Variants in SHANK2 observed in about 807,000 individuals in gnomAD.
SHANK2 encodes the protein SH3 and multiple ankyrin repeat domains 2, also known as SH3 and multiple ankyrin repeat domains protein 2.
A neutral mutation model predicts 133.7 loss-of-function variants in SHANK2; 43 were observed. The observed-to-expected ratio is 0.32, with a 90% CI of 0.25 to 0.41. The LOEUF (loss-of-function observed/expected upper bound fraction) is 0.41. Ranked by LOEUF, SHANK2 falls within the 10% of genes least tolerant of loss-of-function variation. The probability of loss-of-function intolerance (pLI) is 1.00; values close to 1 mark genes in which losing one functional copy is unlikely to be tolerated. For synonymous variants in SHANK2, 1,017 were observed against 952.8 expected (o/e 1.07, Z -1.24); for missense variants, 1,994 against 2,235.8 (o/e 0.89, Z 2.18).
intron 17 of SHANK2, among the ~76,000 whole-genome samples, chr11:70,615,317 G>A (rs755677578): frequency 5.3e-5 from 8 of 152,222 alleles, no homozygotes; most frequent in African/African-American, 1.9e-4. Context: ...GGCCTTGGAC[G>A]AGCCCAGTTC....
At chr11:70,746,579 C>T (rs1555036157) in intron 14 of SHANK2, among the ~76,000 whole-genome samples, 2 of 151,934 alleles carry the variant, frequency 1.3e-5, no homozygotes, top group Non-Finnish European at 2.9e-5. Context: ...GGCTGGGCCT[C>T]CCTCCAGGGT....
intron 11 of SHANK2, among the ~76,000 whole-genome samples, chr11:70,837,431 G>A (rs1466385446): frequency 1.3e-5 from 2 of 152,198 alleles, no homozygotes; most frequent in Non-Finnish European, 2.9e-5. Flanking sequence ...CAGGCCTTGT[G>A]CATTCACGCT....
chr11:70,531,020 A>T (rs2059460634), intron 17 of SHANK2, among the ~76,000 whole-genome samples: 1 of 151,908 alleles, frequency 6.6e-6, no homozygotes, highest in Non-Finnish European at 1.5e-5. Context: ...ACAAAAATAA[A>T]TAAATAAATA....
intron 15 of SHANK2, among the ~76,000 whole-genome samples, chr11:70,670,563 C>T (rs1304627407): frequency 6.6e-6 from 1 of 152,214 alleles, no homozygotes; most frequent in East Asian, 1.9e-4. Flanking sequence ...AGGGTTTCCC[C>T]GTCATCTGTC....
intron 12 of SHANK2, among the ~76,000 whole-genome samples, chr11:70,813,668 C>T (rs975185611): frequency 3.1e-4 from 47 of 152,152 alleles, no homozygotes; most frequent in African/African-American, 7.5e-4. Flanking sequence ...GCACAGCAAA[C>T]GCAGGAGTTC....
intron 14 of SHANK2, among the ~76,000 whole-genome samples, chr11:70,752,896 G>C (rs547309730): frequency 6.6e-6 from 1 of 151,904 alleles, no homozygotes; most frequent in Non-Finnish European, 1.5e-5. Context: ...GGCAGATCAC[G>C]TGAGGTCAGG....
At chr11:71,106,844 G>T (rs1337987422) in intron 6 of SHANK2, among the ~76,000 whole-genome samples, 1 of 151,940 alleles carries the variant, frequency 6.6e-6, no homozygotes, top group African/African-American at 2.4e-5. Context: ...GAGGGGAGAG[G>T]CCAGGCGTGG....
intron 11 of SHANK2, chr11:70,863,853 G>A (rs1949304026): frequency 2.2e-6 from 1 of 457,744 alleles, no homozygotes; most frequent in Non-Finnish European, 4.4e-6. Context: ...GATGACGACA[G>A]CCACCTGCAA....
intron 8 of SHANK2, among the ~76,000 whole-genome samples, chr11:71,084,022 T>C (rs994435974): frequency 0.013 from 1,871 of 149,330 alleles, 18 homozygotes; most frequent in African/African-American, 0.016. Context: ...CAGGCTGGAG[T>C]GCAGTGGCGC....
At chr11:70,806,891 C>G (rs557286882) in intron 13 of SHANK2, 111 bp downstream of exon 13, 2 of 612,332 alleles carry the variant, frequency 3.3e-6, no homozygotes, top group East Asian at 5.7e-5. Flanking sequence ...TCCAGGGGCC[C>G]GTGTTTTCCA....
intron 14 of SHANK2, among the ~76,000 whole-genome samples, chr11:70,723,294 G>GGTCT (rs1555029676): frequency 1.2e-5 from 1 of 84,556 alleles, no homozygotes; most frequent in African/African-American, 6.2e-5. Context: ...CTTGCTGGAG[G>GGTCT]GTCTGTCTCT....
intron 14 of SHANK2, among the ~76,000 whole-genome samples, chr11:70,717,781 G>C (rs1232228882): frequency 6.6e-6 from 1 of 151,782 alleles, no homozygotes; most frequent in Non-Finnish European, 1.5e-5. Flanking sequence ...TCCGTGGGGC[G>C]GCCTCATCTA....
At chr11:70,721,750 C>G (rs782741235) in intron 14 of SHANK2, among the ~76,000 whole-genome samples, 2 of 152,236 alleles carry the variant, frequency 1.3e-5, no homozygotes, top group African/African-American at 4.8e-5. Flanking sequence ...AGGTCCCACC[C>G]AACCCTAGAC....
At chr11:70,494,669 C>G (rs916497745) in intron 21 of SHANK2, among the ~76,000 whole-genome samples, 7 of 152,208 alleles carry the variant, frequency 4.6e-5, no homozygotes, top group Non-Finnish European at 1.0e-4. Flanking sequence ...ATGGCTGTCA[C>G]GCCCAGCACA....
At chr11:70,936,784 G>A (rs1233059203) in intron 10 of SHANK2, among the ~76,000 whole-genome samples, 2 of 152,140 alleles carry the variant, frequency 1.3e-5, no homozygotes, top group African/African-American at 4.8e-5. Flanking sequence ...CACCCTCAGG[G>A]TTCCCAACAG....
intron 10 of SHANK2, chr11:70,950,899 C>T (rs1555086430): frequency 6.2e-6 from 1 of 160,606 alleles, no homozygotes; most frequent in East Asian, 1.9e-4. Context: ...AAACTCCTGG[C>T]CTTAAGAGAT....
At chr11:71,190,768 G>T (rs1359702179) in intron 2 of SHANK2, among the ~76,000 whole-genome samples, 1 of 152,180 alleles carries the variant, frequency 6.6e-6, no homozygotes, top group Non-Finnish European at 1.5e-5. Flanking sequence ...CAATCCCACG[G>T]CTCCACCCTG....
At chr11:70,694,029 C>G (rs1945342435) in intron 15 of SHANK2, among the ~76,000 whole-genome samples, 1 of 152,086 alleles carries the variant, frequency 6.6e-6, no homozygotes, top group African/African-American at 2.4e-5. Flanking sequence ...AAAGTGAGAC[C>G]CTGAGTTCTC....
chr11:70,904,663 A>G (rs1555077513), intron 10 of SHANK2, among the ~76,000 whole-genome samples: 2 of 152,062 alleles, frequency 1.3e-5, no homozygotes, highest in African/African-American at 4.8e-5. Flanking sequence ...GCCTGCCACC[A>G]CACCTGGCTA....
Sources: allele counts gnomAD v4.1 joint callset (sites outside exome capture counted in the v4.1 genomes callset), GRCh38; gene constraint gnomAD v4.1.1; transcripts MANE v1.5; gene names NCBI Gene and HGNC (gene_info 2026-07-23, HGNC 2026-07-21).